The following TRPM3 variants were observed in gnomAD, a reference collection of about 807,000 sequenced individuals.
The protein encoded by TRPM3 is long transient receptor potential channel 3.
Under a neutral mutation model 181.2 loss-of-function variants are expected in TRPM3, and 77 were observed. The observed-to-expected ratio is 0.42, with a 90% CI of 0.35 to 0.51. TRPM3 has a LOEUF of 0.51. Among genes scored for constraint, TRPM3 ranks in the 20% least tolerant of loss-of-function variants. The pLI, the probability that TRPM3 is intolerant of heterozygous loss-of-function variation, is 0.01. For missense variants in TRPM3, 1,759 were observed against 2,196.7 expected (o/e 0.80, Z 3.98); for synonymous variants, 745 against 796.4 (o/e 0.94, Z 1.09).
At chr9:71,433,210 C>A (rs2093983994) in intron 1 of TRPM3, among the ~76,000 whole-genome samples, 1 of 152,110 alleles carries the variant, frequency 6.6e-6, no homozygotes, top group African/African-American at 2.4e-5. Flanking sequence ...TTTGCTATGT[C>A]CCCACCCAAA....
chr9:71,310,655 A>T (rs1355427814), intron 1 of TRPM3, among the ~76,000 whole-genome samples: 1 of 152,110 alleles, frequency 6.6e-6, no homozygotes, highest in Non-Finnish European at 1.5e-5. Flanking sequence ...TTATTTTATT[A>T]TGTGTAGCTC....
chr9:70,876,460 T>A lies in TRPM3; in HGVS notation c.178-11949A>T, dbSNP rs183270315. Among the ~76,000 whole-genome samples, 350 of 151,666 alleles carry A rather than the reference T, an allele frequency of 2.3e-3. 1 individual carries two copies. The highest frequency in any genetic ancestry group is 8.1e-3 in the African/African-American group (334 of 41,474). On this transcript the variant is annotated intron_variant, in intron 1 of 25. Coordinates refer to ENST00000677713, the MANE Select transcript of TRPM3 (RefSeq NM_001366145.2). ...TCACTATGTAGCCCATAAATATGTA[T>A]GATTAGTCGATTTAAAAAATTATAA... is the stretch of plus-strand genomic sequence containing the variant.
At chr9:70,994,444 C>G (rs751283574) in intron 1 of TRPM3, among the ~76,000 whole-genome samples, 39 of 152,114 alleles carry the variant, frequency 2.6e-4, no homozygotes, top group Non-Finnish European at 5.1e-4. Context: ...GACTTTGACT[C>G]TATTCCTTAT....
At chr9:71,257,720 T>G (rs1022234219) in intron 1 of TRPM3, among the ~76,000 whole-genome samples, 12 of 152,174 alleles carry the variant, frequency 7.9e-5, no homozygotes, top group African/African-American at 2.7e-4. Flanking sequence ...AGTGAATGTA[T>G]CTTTGTACTA....
At chr9:71,406,885 A>G (rs1190181445) in intron 1 of TRPM3, among the ~76,000 whole-genome samples, 1 of 152,126 alleles carries the variant, frequency 6.6e-6, no homozygotes, top group Non-Finnish European at 1.5e-5. Flanking sequence ...TAGAGCAGTG[A>G]TCAGGCTTAA....
intron 8 of TRPM3, among the ~76,000 whole-genome samples, chr9:70,688,311 A>G (rs934099652): frequency 3.3e-5 from 5 of 152,172 alleles, no homozygotes; most frequent in Non-Finnish European, 7.4e-5. Flanking sequence ...AATTATTTTT[A>G]TTTCAATAGT....
intron 1 of TRPM3, among the ~76,000 whole-genome samples, chr9:71,250,040 T>C (rs562018783): frequency 6.6e-6 from 1 of 152,314 alleles, no homozygotes; most frequent in African/African-American, 2.4e-5. Flanking sequence ...TAACTCCTCA[T>C]TGACATTAAG....
rs1564497151 is a variant in TRPM3 at position 70,831,978 on chromosome 9, TATA to T, written c.802-3963_802-3961del. On this transcript the variant is annotated intron_variant, in intron 5 of 25. Transcript: ENST00000677713. ...TACCCCATAAATATATATATATATATATATATATATATATATATACCTACTATG... is the reference window on the plus strand; with the variant it reads ...TACCCCATAAATATATATATATATATTATATATATATATATACCTACTATG... Among the ~76,000 whole-genome samples, 48 of 114,466 alleles carry T rather than the reference TATA, an allele frequency of 4.2e-4. 5 individuals are homozygous for T. Among genetic ancestry groups the T allele is most frequent in the African/African-American group, 1.3e-3 (44 of 32,624 alleles). The allele number at this position is 114,466 out of a possible 152,430, so 75.1% of individuals were successfully genotyped here.
intron 1 of TRPM3, among the ~76,000 whole-genome samples, chr9:71,171,038 C>T (rs928106707): frequency 2.0e-5 from 3 of 152,114 alleles, no homozygotes; most frequent in Admixed American, 1.3e-4. Flanking sequence ...CAGCCCCCCC[C>T]AGGTGCTCCT....
intron 1 of TRPM3, among the ~76,000 whole-genome samples, chr9:71,388,032 C>G (rs968144895): frequency 7.2e-5 from 11 of 152,144 alleles, no homozygotes; most frequent in African/African-American, 2.7e-4. Context: ...GGGTTCTTTT[C>G]CTATCTTCAA....
chr9:71,083,304 C>T (rs2064697474), intron 1 of TRPM3, among the ~76,000 whole-genome samples: 1 of 152,004 alleles, frequency 6.6e-6, no homozygotes, highest in Non-Finnish European at 1.5e-5. Flanking sequence ...TCGTGAAATG[C>T]TTACAACATC....
At chr9:70,862,549 T>A (rs1474826215) in intron 3 of TRPM3, among the ~76,000 whole-genome samples, 2 of 151,918 alleles carry the variant, frequency 1.3e-5, no homozygotes, top group Non-Finnish European at 2.9e-5. Flanking sequence ...ACCAAAGGGA[T>A]AAAAAAAGGA....
chr9:70,638,815 G>A (rs1050816008), intron 11 of TRPM3, among the ~76,000 whole-genome samples: 1 of 152,156 alleles, frequency 6.6e-6, no homozygotes, highest in African/African-American at 2.4e-5. Context: ...ATAAGAATAT[G>A]AGAATGATAC....
At position 70,947,354 on chromosome 9, in the gene TRPM3, A is replaced by C. The variant is rs1305158125; in HGVS notation, c.178-82843T>G. Among the ~76,000 whole-genome samples the C allele has an allele frequency of 2.6e-5, 4 of 152,188 alleles. No homozygotes were observed. In the East Asian group the frequency reaches 7.7e-4, roughly 29 times the overall value. On this transcript the variant is annotated intron_variant, in intron 1 of 25. Coordinates refer to ENST00000677713, the MANE Select transcript of TRPM3 (RefSeq NM_001366145.2). ...ACATGATTAAAACTTAGGTTTTTCTAGGTCAAAGCCTGTGCTCTATCTCCA... is the reference window on the plus strand; with the variant it reads ...ACATGATTAAAACTTAGGTTTTTCTCGGTCAAAGCCTGTGCTCTATCTCCA...
intron 1 of TRPM3, among the ~76,000 whole-genome samples, chr9:70,888,395 G>GTT (rs1420966716): frequency 2.7e-4 from 40 of 149,822 alleles, no homozygotes; most frequent in African/African-American, 9.4e-4. Flanking sequence ...GTGTGTGTGT[G>GTT]TGTGTGTTCC....
At chr9:70,803,517 CG>C (rs2089867451) in intron 6 of TRPM3, among the ~76,000 whole-genome samples, 1 of 143,000 alleles carries the variant, frequency 7.0e-6, no homozygotes, top group African/African-American at 2.6e-5. Context: ...GGTGCGATCT[CG>C]GCTCACTGCA....
chr9:71,401,197 C>CAAAAAAAAA lies in TRPM3; in HGVS notation c.183+45447_183+45455dup, dbSNP rs59425467. On this transcript the variant is annotated intron_variant, in intron 1 of 24. Coordinates refer to the TRPM3 transcript ENST00000357533. ...TAAGGGTCAAAGTGAGACACCATCG[C>CAAAAAAAAA]AAAAAAAAAAAAAAAAAAAGAATCT... 8.2e-4 allele frequency among the ~76,000 whole-genome samples: 87 copies of CAAAAAAAAA among 105,750 alleles called. 2 individuals carry two copies. Among genetic ancestry groups the CAAAAAAAAA allele is most frequent in the African/African-American group, 3.4e-3 (85 of 25,246 alleles). 69.4% of individuals were successfully genotyped at this position (105,750 alleles called of 152,430 possible). A position where few individuals can be genotyped will look rare whatever the true frequency, so the allele number is the denominator to read the frequency against.
chr9:71,158,983 G>A (rs1320785675), intron 1 of TRPM3, among the ~76,000 whole-genome samples: 2 of 151,992 alleles, frequency 1.3e-5, no homozygotes, highest in Non-Finnish European at 1.5e-5. Flanking sequence ...CACCATCAGT[G>A]CTCTGCGCCT....
At chr9:71,241,985 A>G (rs966631195) in intron 1 of TRPM3, among the ~76,000 whole-genome samples, 3 of 152,258 alleles carry the variant, frequency 2.0e-5, no homozygotes, top group African/African-American at 7.2e-5. Context: ...GGCACAGAGA[A>G]TCAGAATGAC....
Sources: allele counts gnomAD v4.1 joint callset (sites outside exome capture counted in the v4.1 genomes callset), GRCh38; gene constraint gnomAD v4.1.1; transcripts MANE v1.5; gene names NCBI Gene and HGNC (gene_info 2026-07-23, HGNC 2026-07-21).